Variants in DPP6 observed in about 807,000 individuals in gnomAD.
The protein encoded by DPP6 is A-type potassium channel modulatory protein DPP6.
A neutral mutation model predicts 122.6 loss-of-function variants in DPP6; 69 were observed. That is an observed-to-expected ratio of 0.56 (90% CI 0.46 to 0.69). The LOEUF is 0.69. Among genes scored for constraint, DPP6 ranks in the 30% least tolerant of loss-of-function variants. The pLI, the probability that DPP6 is intolerant of heterozygous loss-of-function variation, is 0.00. For synonymous variants in DPP6, 418 were observed against 433.1 expected (o/e 0.97, Z 0.43); for missense variants, 928 against 1,116.9 (o/e 0.83, Z 2.41).
At chr7:154,713,044 C>T (rs542423229) in intron 7 of DPP6, among the ~76,000 whole-genome samples, 70 of 152,348 alleles carry the variant, frequency 4.6e-4, no homozygotes, top group Non-Finnish European at 8.5e-4. Flanking sequence ...GGTAAATATA[C>T]CCATTCCAAA....
At chr7:153,905,350 G>C (rs997702971) in intron 1 of DPP6, among the ~76,000 whole-genome samples, 1 of 152,154 alleles carries the variant, frequency 6.6e-6, no homozygotes, top group Non-Finnish European at 1.5e-5. Context: ...GAGCAGGAGG[G>C]GGAGTGGGGA....
intron 1 of DPP6, among the ~76,000 whole-genome samples, chr7:154,376,124 T>C (rs1172085986): frequency 2.0e-5 from 3 of 152,198 alleles, no homozygotes; most frequent in Non-Finnish European, 4.4e-5. Flanking sequence ...GCTCATATGG[T>C]ACTTTCAAGA....
At chr7:154,890,172 T>C (rs950760713) in intron 25 of DPP6, 1 of 153,038 alleles carries the variant, frequency 6.5e-6, no homozygotes, top group Non-Finnish European at 1.5e-5. Flanking sequence ...CCTTCCTGCC[T>C]TCTGCTCCTT....
the DPP6 span, among the ~76,000 whole-genome samples, chr7:153,856,087 A>G: frequency 1.3e-5 from 2 of 152,150 alleles, no homozygotes; most frequent in Admixed American, 1.3e-4. Context: ...CCTTTCAGAG[A>G]ACTATCAGGC....
intron 1 of DPP6, among the ~76,000 whole-genome samples, chr7:154,320,338 C>T (rs1375579033): frequency 2.0e-5 from 3 of 152,224 alleles, no homozygotes; most frequent in Non-Finnish European, 2.9e-5. Context: ...CGCTCCATTC[C>T]GTACTTGGTT....
chr7:154,709,345 A>T (rs886948057), intron 7 of DPP6, among the ~76,000 whole-genome samples: 3 of 148,176 alleles, frequency 2.0e-5, no homozygotes, highest in African/African-American at 7.7e-5. Flanking sequence ...ACACTCAGCT[A>T]ATTTTTTAAT....
intron 1 of DPP6, among the ~76,000 whole-genome samples, chr7:154,349,570 A>G (rs917544104): frequency 3.3e-5 from 5 of 152,236 alleles, no homozygotes; most frequent in Admixed American, 2.0e-4. Context: ...ACGGCTGGGT[A>G]TGCTAAGCTA....
chr7:154,073,601 C>G (rs1034149252), intron 1 of DPP6, among the ~76,000 whole-genome samples: 43 of 152,244 alleles, frequency 2.8e-4, no homozygotes, highest in Admixed American at 1.3e-4. Flanking sequence ...GCGATTAATA[C>G]ATGAATGAAC....
At chr7:153,822,170 A>AG in the DPP6 span, among the ~76,000 whole-genome samples, 4 of 133,752 alleles carry the variant, frequency 3.0e-5, no homozygotes, top group East Asian at 4.7e-4. Context: ...AAAATAGGAA[A>AG]GGGGGGGAAT....
chr7:154,088,070 C>T (rs1156246154), intron 1 of DPP6, among the ~76,000 whole-genome samples: 2 of 152,160 alleles, frequency 1.3e-5, no homozygotes, highest in Non-Finnish European at 2.9e-5. Flanking sequence ...CTCAGCCAGT[C>T]TTGTGACCAC....
rs190190894 is a variant in DPP6 at position 154,617,100 on chromosome 7, G to C, written c.628-20721G>C. Among the ~76,000 whole-genome samples, 12 of 152,236 alleles carry C rather than the reference G, an allele frequency of 7.9e-5. No individual in the cohort carries two copies. The East Asian group carries it at 2.3e-3, about 30-fold the overall frequency. On this transcript the variant is annotated intron_variant, in intron 5 of 25. Transcript: ENST00000377770. ...TGTGTTTGGTTTGGCTTTTAAGAAG[G>C]CTCACTGACTTAGCCCATGACCTAA...
chr7:154,406,727 A>G (rs1816148530), intron 1 of DPP6, among the ~76,000 whole-genome samples: 1 of 152,188 alleles, frequency 6.6e-6, no homozygotes, highest in African/African-American at 2.4e-5. Context: ...CTGAGGACCC[A>G]TTCCAGACTG....
chr7:154,274,649 C>T (rs1047768167), intron 1 of DPP6, among the ~76,000 whole-genome samples: 3 of 150,892 alleles, frequency 2.0e-5, no homozygotes, highest in African/African-American at 4.9e-5. Flanking sequence ...ATGCAAAATA[C>T]GTTTTTTTTC....
intron 1 of DPP6, among the ~76,000 whole-genome samples, chr7:154,017,622 C>A (rs1798483934): frequency 6.6e-6 from 1 of 150,976 alleles, no homozygotes; most frequent in African/African-American, 2.4e-5. Context: ...ATTGCTTGAG[C>A]CCGGAATTTT....
At chr7:154,401,211 CA>C (rs200012155) in intron 1 of DPP6, among the ~76,000 whole-genome samples, 96 of 124,102 alleles carry the variant, frequency 7.7e-4, no homozygotes, top group African/African-American at 2.2e-3. Context: ...AAAACAAAAA[CA>C]AAAACAAAAA....
intron 10 of DPP6, among the ~76,000 whole-genome samples, chr7:154,780,778 T>C (rs1373634410): frequency 6.6e-6 from 1 of 152,210 alleles, no homozygotes; most frequent in African/African-American, 2.4e-5. Context: ...TGTGTTAACA[T>C]GCATTGAGGC....
Position 154,772,907 on chromosome 7 carries a change from T to C in DPP6, c.1101T>C (p.Asp367=), listed in dbSNP as rs754634817. 1 of 1,612,198 alleles carries C rather than the reference T, an allele frequency of 6.2e-7. No individual in the cohort carries two copies. The change falls in exon 10 of 26, where the codon GAT becomes GAC. Residue 367 remains aspartate (D), a synonymous_variant. Transcript: ENST00000377770. ...HVIGLNGPTH[D]LEMMPPDDPR... ...TTGGCTTAAATGGACCCACCCATGA[T>C]CTGGAGATGATGCCGCCTGATGATC...
chr7:153,773,283 G>GTGTGTGTGTGTGTGTC, the DPP6 span, among the ~76,000 whole-genome samples: 1 of 144,570 alleles, frequency 6.9e-6, no homozygotes, highest in Admixed American at 7.0e-5. Flanking sequence ...GTGTGTGTGT[G>GTGTGTGTGTGTGTGTC]TGTGTGTGTC....
intron 13 of DPP6, 142 bp downstream of exon 13, chr7:154,801,604 T>C (rs1191286922): frequency 1.6e-6 from 2 of 1,228,136 alleles, no homozygotes; most frequent in Non-Finnish European, 2.2e-6. Flanking sequence ...GGGCAGGGCA[T>C]GGCGCTGGTG....
Sources: allele counts gnomAD v4.1 joint callset (sites outside exome capture counted in the v4.1 genomes callset), GRCh38; gene constraint gnomAD v4.1.1; transcripts MANE v1.5; gene names NCBI Gene and HGNC (gene_info 2026-07-23, HGNC 2026-07-21).